Variants in CYP27A1 observed in about 807,000 individuals in gnomAD.
CYP27A1 encodes cytochrome P450 family 27 subfamily A member 1, also known as sterol 26-hydroxylase, mitochondrial.
CYP27A1 carries 46 observed loss-of-function variants against 58.2 expected under a neutral mutation model. That is an observed-to-expected ratio of 0.79 (90% CI 0.62 to 1.01). The LOEUF (loss-of-function observed/expected upper bound fraction) is 1.01, where lower values mean the gene tolerates loss of function less well. CYP27A1 is among the 50% of genes least tolerant of loss of function. The pLI is 0.00. For missense variants in CYP27A1, 704 were observed against 687.0 expected (o/e 1.02, Z -0.28); for synonymous variants, 274 against 285.1 (o/e 0.96, Z 0.39).
chr2:218,803,985 G>A (rs1012967315), intron 1 of CYP27A1, among the ~76,000 whole-genome samples: 5 of 151,470 alleles, frequency 3.3e-5, no homozygotes, highest in Admixed American at 3.3e-4. Context: ...TGCCCACCTC[G>A]GCCTCCCAAA....
At position 218,809,426 on chromosome 2, in the gene CYP27A1, C is replaced by T. The variant is rs1943684985; in HGVS notation, c.256-151C>T. ...GAACAACAGGCCATCCTGGTGCCTA[C>T]ATCATACACAATGCCCTTTTTTTTT... On this transcript the variant is annotated intron_variant, in intron 1 of 8. Transcript: ENST00000258415. The T allele has an allele frequency of 4.3e-6, 3 of 691,858 alleles. No individual in the cohort carries two copies. The Admixed American group carries it at 7.8e-5, about 18-fold the overall frequency. 42.9% of individuals were successfully genotyped at this position (691,858 alleles called of 1,614,324 possible). A position where few individuals can be genotyped will look rare whatever the true frequency, so the allele number is the denominator to read the frequency against.
intron 1 of CYP27A1, among the ~76,000 whole-genome samples, chr2:218,797,637 C>CTGGCCTTACCAATA (rs1943559842): frequency 6.6e-6 from 1 of 152,144 alleles, no homozygotes. Context: ...ATTGGGAAGG[C>CTGGCCTTACCAATA]TGTTAAATAT....
At chr2:218,793,366 C>G (rs1360004155) in intron 1 of CYP27A1, among the ~76,000 whole-genome samples, 1 of 152,134 alleles carries the variant, frequency 6.6e-6, no homozygotes, top group Non-Finnish European at 1.5e-5. Flanking sequence ...ATGAACCATC[C>G]CACCTGGCCT....
chr2:218,811,790 T>A (rs980091073), intron 2 of CYP27A1, among the ~76,000 whole-genome samples: 1 of 152,240 alleles, frequency 6.6e-6, no homozygotes, highest in African/African-American at 2.4e-5. Flanking sequence ...AATTCCAAGA[T>A]AATCAGTCAA....
At chr2:218,792,973 A>G (rs949481674) in intron 1 of CYP27A1, among the ~76,000 whole-genome samples, 46 of 152,264 alleles carry the variant, frequency 3.0e-4, no homozygotes, top group Non-Finnish European at 5.7e-4. Flanking sequence ...AAGCCTGACA[A>G]ATATGTCAAA....
intron 2 of CYP27A1, among the ~76,000 whole-genome samples, chr2:218,810,607 A>G (rs1423132957): frequency 1.3e-5 from 2 of 152,314 alleles, no homozygotes; most frequent in Admixed American, 6.5e-5. Context: ...TTAAAATATC[A>G]TTTTATGAAG....
At chr2:218,789,792 T>C (rs1943474211) in intron 1 of CYP27A1, among the ~76,000 whole-genome samples, 1 of 152,182 alleles carries the variant, frequency 6.6e-6, no homozygotes. Flanking sequence ...ATTGTAAATG[T>C]ATTTATTTGG....
Position 218,814,911 on chromosome 2 carries a change from C to G in CYP27A1, c.1477C>G (p.Leu493Val). The G allele has an allele frequency of 6.2e-7, 1 of 1,614,222 alleles. No individual in the cohort carries two copies. The highest frequency in any genetic ancestry group is 8.5e-7 in the Non-Finnish European group (1 of 1,180,044). ...ELEMQLLLAR[L>V]IQKYKVVLAP... ...ACCACATGTGCTCTTTACCCCCCAG[C>G]TGATCCAGAAGTACAAGGTGGTCCT... The change falls in exon 9 of 9, where the codon CTG becomes GTG. Residue 493 changes from leucine to valine, a missense_variant and splice_region_variant. By Grantham distance (32) the Leu-to-Val change is conservative (BLOSUM62 1). Transcript: ENST00000258415.
In CYP27A1 at chr2:218,809,558, T is replaced by C. The variant is rs2105978794; in HGVS notation, c.256-19T>C. On this transcript the variant is annotated intron_variant, in intron 1 of 8. Coordinates refer to ENST00000258415, the MANE Select transcript of CYP27A1 (RefSeq NM_000784.4). ...TGCCCAGCTTGGCCCAGTTATTCAG[T>C]TTTGATTGAACTCCACAGGTGCTTT... The C allele has an allele frequency of 1.2e-6, 2 of 1,607,548 alleles. No homozygotes were observed. Among genetic ancestry groups the C allele is most frequent in the South Asian group, 2.2e-5 (2 of 90,986 alleles).
intron 5 of CYP27A1, among the ~76,000 whole-genome samples, chr2:218,813,590 T>A (rs1191812447): frequency 6.6e-6 from 1 of 151,338 alleles, no homozygotes; most frequent in Non-Finnish European, 1.5e-5. Context: ...CATGCCCAGC[T>A]TTTTTTTTCT....
chr2:218,799,326 T>A (rs764084757), intron 1 of CYP27A1, among the ~76,000 whole-genome samples: 12 of 152,012 alleles, frequency 7.9e-5, no homozygotes, highest in Non-Finnish European at 1.6e-4. Flanking sequence ...TTACAAACCA[T>A]CCAGACGGCA....
rs730882199 is a variant in CYP27A1 at position 218,814,623 on chromosome 2, C to A, written c.1342C>A (p.Arg448Ser). ...TGAGCCTGAAAGCTTCCAGCCCCAC[C>A]GCTGGCTGAGAAACAGCCAGCCTGC... ...FSEPESFQPH[R>S]WLRNSQPATP... Residue 448 changes from arginine (R) to serine (S), a missense_variant, in exon 8 of 9, where the codon CGC becomes AGC. By Grantham distance (110) the Arg-to-Ser change is moderately radical. Transcript: ENST00000258415. The A allele has an allele frequency of 3.1e-6, 5 of 1,614,212 alleles. No homozygotes were observed. In the Admixed American group the frequency reaches 8.3e-5, roughly 27 times the overall value.
chr2:218,808,958 G>T (rs1943680048), intron 1 of CYP27A1, among the ~76,000 whole-genome samples: 2 of 151,814 alleles, frequency 1.3e-5, no homozygotes. Flanking sequence ...CATGTTCTTA[G>T]ATTTCAAAGA....
intron 5 of CYP27A1, among the ~76,000 whole-genome samples, 153 bp from the exon 6 acceptor site, chr2:218,813,868 A>C (rs1204638202): frequency 6.6e-6 from 1 of 152,042 alleles, no homozygotes; most frequent in Non-Finnish European, 1.5e-5. Context: ...CATGTTTAGC[A>C]TGGAGACTGC....
At chr2:218,812,165 C>A (rs1943722895) in intron 2 of CYP27A1, 57 bp from the exon 3 acceptor site, 2 of 1,363,042 alleles carry the variant, frequency 1.5e-6, no homozygotes, top group Non-Finnish European at 2.1e-6. Flanking sequence ...AGAAGATCTC[C>A]CTTAATTGAA....
Position 218,812,606 on chromosome 2 carries a change from C to T in CYP27A1, c.701C>T (p.Pro234Leu), listed in dbSNP as rs1943733556. ...KRIGCLQRSI[P>L]EDTVTFVRSI... ...ATTGGCTGCCTGCAGCGATCCATCC[C>T]CGAGGACACCGTGACCTTCGTCAGA... Residue 234 changes from proline to leucine, a missense_variant, in exon 4 of 9, where the codon CCC (proline) becomes CTC (leucine). Transcript: ENST00000258415. 2 of 1,614,226 alleles carry T rather than the reference C, an allele frequency of 1.2e-6. No individual in the cohort carries two copies. The highest frequency in any genetic ancestry group is 1.7e-6 in the Non-Finnish European group (2 of 1,180,052).
In CYP27A1 at chr2:218,812,568, GTTCGAGAAACGCA is replaced by G. The variant is rs755532803; in HGVS notation, c.666_678del (p.Phe222LeufsTer13). On this transcript the variant is annotated frameshift_variant, in exon 4 of 9. Transcript: ENST00000258415. LOFTEE classifies it high-confidence loss of function. ...ACTACTCAGCTATTTGCTACATCCT[GTTCGAGAAACGCA>G]TTGGCTGCCTGCAGCGATCCATCCC... The G allele has an allele frequency of 5.0e-6, 8 of 1,614,100 alleles. No homozygotes were observed. In the African/African-American group the frequency reaches 1.1e-4, roughly 22 times the overall value.
At chr2:218,792,229 C>T (rs1168483183) in intron 1 of CYP27A1, among the ~76,000 whole-genome samples, 2 of 152,186 alleles carry the variant, frequency 1.3e-5, no homozygotes, top group Non-Finnish European at 2.9e-5. Flanking sequence ...CTTACATCCT[C>T]TTGGATACCA....
Position 218,806,951 on chromosome 2 carries a change from A to ATTTTT in CYP27A1, c.256-2607_256-2603dup, listed in dbSNP as rs10647379. Among the ~76,000 whole-genome samples the ATTTTT allele has an allele frequency of 7.9e-3, 792 of 100,426 alleles. 11 individuals are homozygous for ATTTTT. The highest frequency in any genetic ancestry group is 9.4e-3 in the Non-Finnish European group (503 of 53,670). The allele number at this position is 100,426 out of a possible 152,430, so 65.9% of individuals were successfully genotyped here. On this transcript the variant is annotated intron_variant, in intron 1 of 8. Coordinates refer to ENST00000258415, the MANE Select transcript of CYP27A1 (RefSeq NM_000784.4). Reference sequence around the variant, plus strand: ...ACTTTTAGGACAGGTCTCCTAGGGAATTTTTTTTTTTTTTTTTTTTTTTGA... The same window carrying ATTTTT: ...ACTTTTAGGACAGGTCTCCTAGGGAATTTTTTTTTTTTTTTTTTTTTTTTTTTTGA...
Sources: allele counts gnomAD v4.1 joint callset (sites outside exome capture counted in the v4.1 genomes callset), GRCh38; gene constraint gnomAD v4.1.1; transcripts MANE v1.5; gene names NCBI Gene and HGNC (gene_info 2026-07-23, HGNC 2026-07-21).